Variants in DPH7 observed in about 807,000 individuals in gnomAD.
The protein encoded by DPH7 is diphthine methyltransferase.
In DPH7, 44 loss-of-function variants were observed where a neutral mutation model predicts 41.7. The observed-to-expected ratio is 1.05, with a 90% CI of 0.83 to 1.36. DPH7 has a LOEUF of 1.36. Among genes scored for constraint, DPH7 ranks in the 40% most tolerant of loss-of-function variants. The pLI is 0.00. For synonymous variants in DPH7, 275 were observed against 238.0 expected, an observed-to-expected ratio of 1.16 and a Z score of -1.43; for missense variants, 629 against 577.5, an observed-to-expected ratio of 1.09 and a Z score of -0.91.
intron 8 of DPH7, among the ~76,000 whole-genome samples, chr9:137,557,687 C>T (rs1264349242): frequency 1.3e-5 from 2 of 151,750 alleles, no homozygotes; most frequent in East Asian, 1.9e-4. Context: ...GGCATGATGG[C>T]GCATGCCTGT....
At chr9:137,577,764 T>C (rs1012048999) in intron 1 of DPH7, among the ~76,000 whole-genome samples, 161 bp from the exon 2 acceptor site, 1 of 152,212 alleles carries the variant, frequency 6.6e-6, no homozygotes, top group Non-Finnish European at 1.5e-5. Flanking sequence ...GAAACGTCTA[T>C]TAATGAGTAG....
intron 1 of DPH7, chr9:137,577,866 C>T: frequency 2.6e-6 from 2 of 784,194 alleles, no homozygotes; most frequent in Non-Finnish European, 3.1e-6. Context: ...CCCAGTTTGC[C>T]TGGGACAGTC....
chr9:137,565,087 T>C lies in DPH7; in HGVS notation c.708A>G (p.Lys236=), dbSNP rs1397875012. 3 of 1,613,984 alleles carry C rather than the reference T, an allele frequency of 1.9e-6. No homozygotes were observed. The South Asian group carries it at 3.3e-5, about 18-fold the overall frequency. ...AGTGCTGGCCCTTGGGCAGTTACCT[T>C]TTGCTGGTGAAGAGAAATTTGCCGG... ...RVPGKFLFTS[K]RHTMGVCSIQ... is the part of the protein sequence containing the mutation. The change falls in exon 6 of 9, where the codon AAA becomes AAG. Residue 236 remains lysine (K), a splice_region_variant and synonymous_variant. Transcript: ENST00000277540.
At position 137,578,857 on chromosome 9, in the gene DPH7, G is replaced by A. The variant is rs368026956; in HGVS notation, c.-80C>T. The stretch of plus-strand genomic sequence containing the variant: ...GGCTGGGTACTGCGCGGGGCGGCGA[G>A]GCCGGGGCCGGCCGGACGAGCGCAG... On this transcript the variant is annotated 5_prime_UTR_variant, in exon 1 of 9. Transcript: ENST00000277540. 1.2e-3 allele frequency: 1,568 copies of A among 1,296,906 alleles called. 3 individuals carry two copies. Among genetic ancestry groups the A allele is most frequent in the Non-Finnish European group, 1.2e-3 (1,244 of 1,012,762 alleles). The allele number at this position is 1,296,906 out of a possible 1,614,324, so 80.3% of individuals were successfully genotyped here.
At chr9:137,574,949 A>C in intron 3 of DPH7, 106 bp from the exon 4 acceptor site, 1 of 1,544,498 alleles carries the variant, frequency 6.5e-7, no homozygotes, top group Non-Finnish European at 8.7e-7. Context: ...TTTACAACCT[A>C]TGCGAATGAA....
rs530153052 is a variant in DPH7, at chr9:137,571,737, A to G, written c.640+2471T>C. On this transcript the variant is annotated intron_variant, in intron 5 of 8. Transcript: ENST00000277540. ...CAGGAGGTGGAGGTTGCAATGAGCC[A>G]AGATTGTACCACTGCCCTCCAGCCT... Among the ~76,000 whole-genome samples the G allele has an allele frequency of 2.0e-5, 3 of 152,218 alleles. No individual in the cohort carries two copies. In the South Asian group the frequency reaches 6.2e-4, roughly 32 times the overall value.
chr9:137,575,766 T>G (rs1327508292), intron 3 of DPH7: 9 of 1,159,936 alleles, frequency 7.8e-6, no homozygotes, highest in Non-Finnish European at 4.3e-6. Context: ...TCACTGCTAC[T>G]CTGGGCCCCA....
chr9:137,576,230 C>T, intron 2 of DPH7, 63 bp from the exon 3 acceptor site: 1 of 1,458,632 alleles, frequency 6.9e-7, no homozygotes, highest in Non-Finnish European at 9.6e-7. Context: ...CACTGTGCGT[C>T]CCGGTAACCA....
intron 5 of DPH7, among the ~76,000 whole-genome samples, chr9:137,573,100 G>A (rs940663755): frequency 4.6e-5 from 7 of 151,926 alleles, no homozygotes; most frequent in South Asian, 2.1e-4. Context: ...GGTGGCTCAC[G>A]CCTGTAATCC....
rs1399172255 is a variant in DPH7 at position 137,575,635 on chromosome 9, C to G, written c.375+445G>C. 3.0e-6 allele frequency: 3 copies of G among 1,010,678 alleles called. No homozygotes were observed. In the South Asian group the frequency reaches 1.2e-4, roughly 42 times the overall value. 62.6% of individuals were successfully genotyped at this position (1,010,678 alleles called of 1,614,324 possible). On this transcript the variant is annotated intron_variant, in intron 3 of 8. Transcript: ENST00000277540. The stretch of plus-strand genomic sequence containing the variant: ...CCCCGTTCTCCTCCCCGACAGCTAT[C>G]AGATGAAGTCACTTTGTTAATGCAT...
chr9:137,577,303 A>C (rs991891600), intron 2 of DPH7, among the ~76,000 whole-genome samples, 167 bp downstream of exon 2: 1 of 152,194 alleles, frequency 6.6e-6, no homozygotes, highest in Non-Finnish European at 1.5e-5. Context: ...GACAAAGGAA[A>C]TAAGCCCCAG....
At position 137,577,492 on chromosome 9, in the gene DPH7, A is replaced by T; in HGVS notation, c.265T>A (p.Ser89Thr). 9 of 1,614,050 alleles carry T rather than the reference A, an allele frequency of 5.6e-6. No homozygotes were observed. Among genetic ancestry groups the T allele is most frequent in the Non-Finnish European group, 7.6e-6 (9 of 1,179,972 alleles). The change falls in exon 2 of 9, where the codon TCT (serine) becomes ACT (threonine). Residue 89 changes from serine (S) to threonine (T), a missense_variant. By Grantham distance (58) the Ser-to-Thr change is moderately conservative. Transcript: ENST00000277540. The part of the protein sequence containing the change: ...PLVEVQRKDT[S>T]AILDMKWCHI... ...TACCATTTCATGTCCAGGATTGCAG[A>T]AGTATCTTTTCTTTGGACCTCGACC...
Position 137,572,529 on chromosome 9 carries a change from T to C in DPH7, c.640+1679A>G, listed in dbSNP as rs570538033. ...GCAGGGCCATCACTTGCTGCTCTGC[T>C]GTAACAAACTAGATGAGACAGTGGC... On this transcript the variant is annotated intron_variant, in intron 5 of 8. Transcript: ENST00000277540. 8.2e-4 allele frequency among the ~76,000 whole-genome samples: 125 copies of C among 152,348 alleles called. 1 individual carries two copies. In the Middle Eastern group the frequency reaches 0.014, roughly 17 times the overall value.
Position 137,578,850 on chromosome 9 carries a change from G to A in DPH7, c.-73C>T, listed in dbSNP as rs999666199. The A allele has an allele frequency of 7.6e-7, 1 of 1,321,610 alleles. No individual in the cohort carries two copies. Among genetic ancestry groups the A allele is most frequent in the Non-Finnish European group, 9.7e-7 (1 of 1,030,118 alleles). 81.9% of individuals were successfully genotyped at this position (1,321,610 alleles called of 1,614,324 possible). A position where few individuals can be genotyped will look rare whatever the true frequency, so the allele number is the denominator to read the frequency against. On this transcript the variant is annotated 5_prime_UTR_variant, in exon 1 of 9. Transcript: ENST00000277540. Reference sequence around the variant, plus strand: ...GGGGCCGGGCTGGGTACTGCGCGGGGCGGCGAGGCCGGGGCCGGCCGGACG... The same window carrying A: ...GGGGCCGGGCTGGGTACTGCGCGGGACGGCGAGGCCGGGGCCGGCCGGACG...
chr9:137,577,466 A>G lies in DPH7; in HGVS notation c.287+4T>C. On this transcript the variant is annotated splice_donor_region_variant and intron_variant, in intron 2 of 8. Transcript: ENST00000277540. ...TACACCCAGTGGGATTATCACAGTT[A>G]TACCATTTCATGTCCAGGATTGCAG... 1 of 1,613,902 alleles carries G rather than the reference A, an allele frequency of 6.2e-7. No individual in the cohort carries two copies. Among genetic ancestry groups the G allele is most frequent in the Non-Finnish European group, 8.5e-7 (1 of 1,179,884 alleles).
In DPH7 at chr9:137,555,375, G is replaced by C; in HGVS notation, c.1223C>G (p.Thr408Ser). ...GGTGGCTGCTGTAGCCTGCAGCCAG[G>C]TGCCATTCTTCCTCATGCCCTCTGT... ...PLTEGMRKNG[T>S]WLQATAATTR... The change falls in exon 9 of 9, where the codon ACC becomes AGC. Residue 408 changes from threonine to serine, a missense_variant. Coordinates refer to ENST00000277540, the MANE Select transcript of DPH7 (RefSeq NM_138778.5). 2.5e-6 allele frequency: 4 copies of C among 1,614,210 alleles called. No individual in the cohort carries two copies. The highest frequency in any genetic ancestry group is 3.4e-6 in the Non-Finnish European group (4 of 1,180,032).
rs200685344 is a variant in DPH7 at position 137,555,355 on chromosome 9, C to A, written c.1243G>T (p.Ala415Ser). The change falls in exon 9 of 9, where the codon GCC becomes TCC. Residue 415 changes from alanine to serine, a missense_variant. By Grantham distance (99) the Ala-to-Ser change is moderately conservative (BLOSUM62 1). Transcript: ENST00000277540. ...TTCACGCCACAGTCACGTGTGGTGGCTGCTGTAGCCTGCAGCCAGGTGCCA... is the reference window on the plus strand; with the variant it reads ...TTCACGCCACAGTCACGTGTGGTGGATGCTGTAGCCTGCAGCCAGGTGCCA... ...KNGTWLQATA[A>S]TTRDCGVNPE... 1 of 1,614,216 alleles carries A rather than the reference C, an allele frequency of 6.2e-7. No individual in the cohort carries two copies. The highest frequency in any genetic ancestry group is 8.5e-7 in the Non-Finnish European group (1 of 1,180,032).
intron 8 of DPH7, among the ~76,000 whole-genome samples, chr9:137,561,451 A>G (rs1285171734): frequency 6.7e-6 from 1 of 149,020 alleles, no homozygotes; most frequent in African/African-American, 2.5e-5. Flanking sequence ...GAGGCAGGAG[A>G]ATGGCGGCGT....
intron 5 of DPH7, 62 bp from the exon 6 acceptor site, chr9:137,565,216 G>C: frequency 6.4e-7 from 1 of 1,573,468 alleles, no homozygotes; most frequent in Non-Finnish European, 8.7e-7. Context: ...TCTCAGTTAG[G>C]CCGTTGATGT....
Sources: allele counts gnomAD v4.1 joint callset (sites outside exome capture counted in the v4.1 genomes callset), GRCh38; gene constraint gnomAD v4.1.1; transcripts MANE v1.5; gene names NCBI Gene and HGNC (gene_info 2026-07-23, HGNC 2026-07-21).